The following RAB3B variants were observed in gnomAD, a reference collection of about 807,000 sequenced individuals.
The protein encoded by RAB3B is RAB3B, member RAS oncogene family.
RAB3B carries 11 observed loss-of-function variants against 20.5 expected under a neutral mutation model. That is an observed-to-expected ratio of 0.54 (90% CI 0.34 to 0.89). The LOEUF is 0.89. Ranked by LOEUF, RAB3B falls within the 40% of genes least tolerant of loss-of-function variation. The pLI is 0.02. For missense variants in RAB3B, 225 were observed against 280.9 expected (o/e 0.80, Z 1.42); for synonymous variants, 99 against 106.3 (o/e 0.93, Z 0.42).
At chr1:51,982,507 C>T (rs528860695) in intron 1 of RAB3B, among the ~76,000 whole-genome samples, 2 of 152,262 alleles carry the variant, frequency 1.3e-5, no homozygotes, top group South Asian at 2.1e-4. Context: ...TAACCCCAGA[C>T]TTTGGGAGGC....
intron 2 of RAB3B, among the ~76,000 whole-genome samples, chr1:51,948,842 G>A (rs1684596969): frequency 6.6e-6 from 1 of 152,206 alleles, no homozygotes; most frequent in South Asian, 2.1e-4. Flanking sequence ...AGTGCCACAA[G>A]AACAGGATGT....
chr1:51,960,904 G>T (rs1364695329), intron 2 of RAB3B, among the ~76,000 whole-genome samples: 1 of 152,106 alleles, frequency 6.6e-6, no homozygotes, highest in Admixed American at 6.5e-5. Context: ...ATGACTTTGG[G>T]TAAGTTTATT....
chr1:51,973,221 A>G (rs1185696798), intron 2 of RAB3B, among the ~76,000 whole-genome samples: 2 of 152,210 alleles, frequency 1.3e-5, no homozygotes, highest in Non-Finnish European at 2.9e-5. Context: ...TTATATATCT[A>G]TATGTCTACT....
chr1:51,961,815 G>A (rs1684788016), intron 2 of RAB3B, among the ~76,000 whole-genome samples: 1 of 151,994 alleles, frequency 6.6e-6, no homozygotes, highest in Non-Finnish European at 1.5e-5. Flanking sequence ...CTGTCACCCA[G>A]GCTGGAGTGA....
chr1:51,965,109 C>G (rs1684830855), intron 2 of RAB3B, among the ~76,000 whole-genome samples: 1 of 151,890 alleles, frequency 6.6e-6, no homozygotes, highest in Non-Finnish European at 1.5e-5. Context: ...ATCCCAGCCA[C>G]TCAGGTGGCT....
At chr1:51,964,407 GC>G (rs1287192145) in intron 2 of RAB3B, among the ~76,000 whole-genome samples, 1 of 151,646 alleles carries the variant, frequency 6.6e-6, no homozygotes, top group Non-Finnish European at 1.5e-5. Flanking sequence ...ATGTCTCCGG[GC>G]TCAGTCTGTG....
intron 1 of RAB3B, among the ~76,000 whole-genome samples, chr1:51,981,667 T>A (rs1431499814): frequency 6.6e-6 from 1 of 152,174 alleles, no homozygotes; most frequent in Non-Finnish European, 1.5e-5. Flanking sequence ...AGTACAATCA[T>A]GAACTGCATA....
intron 1 of RAB3B, 28 bp from the exon 2 acceptor site, chr1:51,977,145 G>A (rs935343630): frequency 6.3e-7 from 1 of 1,583,524 alleles, no homozygotes; most frequent in Admixed American, 1.7e-5. Context: ...AGTCACTCAG[G>A]AACAGACCTT....
intron 2 of RAB3B, 124 bp from the exon 3 acceptor site, chr1:51,937,536 T>C (rs886795972): frequency 1.7e-4 from 95 of 567,200 alleles, no homozygotes; most frequent in South Asian, 1.2e-3. Flanking sequence ...TTGCTCTTGT[T>C]GCCCAGGCTG....
intron 4 of RAB3B, among the ~76,000 whole-genome samples, chr1:51,928,505 A>G (rs1684278366): frequency 6.6e-6 from 1 of 152,250 alleles, no homozygotes; most frequent in Non-Finnish European, 1.5e-5. Flanking sequence ...GAGGGATCCC[A>G]TAAAGCAGAG....
At position 51,917,524 on chromosome 1, in the gene RAB3B, T is replaced by C. The variant is rs1684104130; in HGVS notation, c.*2403A>G. ...TGCATCAAAGAAAGCAACATCTTTG[T>C]AGAGCTGACTCCTTTAAAAAAAAAA... On this transcript the variant is annotated 3_prime_UTR_variant, in exon 5 of 5. Transcript: ENST00000371655. 6.6e-6 allele frequency: 1 copy of C among 151,604 alleles called. No individual in the cohort carries two copies. The highest frequency in any genetic ancestry group is 2.4e-5 in the African/African-American group (1 of 41,196). The allele number at this position is 151,604 out of a possible 1,614,324, so 9.4% of individuals were successfully genotyped here. A position where few individuals can be genotyped will look rare whatever the true frequency, so the allele number is the denominator to read the frequency against.
At position 51,972,820 on chromosome 1, in the gene RAB3B, T is replaced by C. The variant is rs190203050; in HGVS notation, c.228+4070A>G. On this transcript the variant is annotated intron_variant, in intron 2 of 4. Transcript: ENST00000371655. ...AATTAATTTCAATTGTATTTTGTTA[T>C]GGCAGCCAGAGCAGAATAATACACT... Among the ~76,000 whole-genome samples, 308 of 152,334 alleles carry C rather than the reference T, an allele frequency of 2.0e-3. 5 individuals carry two copies. The highest frequency in any genetic ancestry group is 0.017 in the Admixed American group (267 of 15,302).
At chr1:51,920,268 G>A (rs1055767442) in intron 4 of RAB3B, among the ~76,000 whole-genome samples, 154 bp from the exon 5 acceptor site, 4 of 152,208 alleles carry the variant, frequency 2.6e-5, no homozygotes, top group Non-Finnish European at 5.9e-5. Context: ...CTGCTTCAAG[G>A]AGACGGTACA....
chr1:51,920,225 A>G (rs1684154280), intron 4 of RAB3B, 111 bp from the exon 5 acceptor site: 4 of 956,870 alleles, frequency 4.2e-6, no homozygotes, highest in Non-Finnish European at 3.0e-6. Context: ...TCAGCAGTGA[A>G]GCAAAGAGGC....
intron 2 of RAB3B, among the ~76,000 whole-genome samples, chr1:51,974,717 A>T (rs981474468): frequency 2.7e-4 from 41 of 152,214 alleles, no homozygotes; most frequent in African/African-American, 9.2e-4. Context: ...TTGTTGACCT[A>T]AGGCAAGTTA....
Position 51,919,356 on chromosome 1 carries a change from G to A in RAB3B, c.*571C>T, listed in dbSNP as rs1485641701. The A allele has an allele frequency of 6.6e-6, 1 of 152,418 alleles. No homozygotes were observed. Among genetic ancestry groups the A allele is most frequent in the Admixed American group, 6.5e-5 (1 of 15,292 alleles). The allele number at this position is 152,418 out of a possible 1,614,324, so 9.4% of individuals were successfully genotyped here. On this transcript the variant is annotated 3_prime_UTR_variant, in exon 5 of 5. Coordinates refer to ENST00000371655, the MANE Select transcript of RAB3B (RefSeq NM_002867.4). ...CATCATTAGAGAGTCTGAGCTCTCT[G>A]AAGATTAGCTCTTCCTGTCGCCACA...
intron 2 of RAB3B, among the ~76,000 whole-genome samples, chr1:51,962,329 G>T (rs542783067): frequency 7.2e-5 from 11 of 152,322 alleles, no homozygotes; most frequent in South Asian, 6.2e-4. Context: ...ATTTACAGGT[G>T]AAGGTCTAAA....
At chr1:51,983,226 T>C (rs541019222) in intron 1 of RAB3B, among the ~76,000 whole-genome samples, 7 of 151,960 alleles carry the variant, frequency 4.6e-5, no homozygotes, top group Admixed American at 3.9e-4. Context: ...TGGTGGCAGA[T>C]ACCTGTAATC....
At chr1:51,928,405 C>T (rs1180971761) in intron 4 of RAB3B, among the ~76,000 whole-genome samples, 1 of 152,220 alleles carries the variant, frequency 6.6e-6, no homozygotes, top group Non-Finnish European at 1.5e-5. Context: ...CCAAGCCCAG[C>T]CTCACAGCTT....
Sources: gnomAD v4.1 joint callset for allele counts (sites outside exome capture counted in the v4.1 genomes callset) on GRCh38, gnomAD v4.1.1 for gene constraint, MANE v1.5 for transcripts, NCBI Gene and HGNC (gene_info 2026-07-23, HGNC 2026-07-21) for gene names.